SPRR2G: variants seen among roughly 807,000 people sequenced by gnomAD.
SPRR2G encodes the protein small proline-rich protein 2G.
A neutral mutation model predicts 0.7 loss-of-function variants in SPRR2G; 1 was observed. The observed-to-expected ratio is 1.49, with a 90% CI of 0.53 to 7.06. SPRR2G has a LOEUF of 7.06. SPRR2G is among the 30% of genes most tolerant of loss of function. The pLI, the probability that SPRR2G is intolerant of heterozygous loss-of-function variation, is 0.14. For missense variants in SPRR2G, 96 were observed against 88.5 expected (o/e 1.09, Z -0.34); for synonymous variants, 38 against 33.9 (o/e 1.12, Z -0.42).
chr1:153,180,943 A>G, the SPRR2G span, among the ~76,000 whole-genome samples: 1 of 152,168 alleles, frequency 6.6e-6, no homozygotes, highest in African/African-American at 2.4e-5. Flanking sequence ...CAGGTTGTTC[A>G]GATATTTTTC....
chr1:153,198,743 C>G, the SPRR2G span, among the ~76,000 whole-genome samples: 2 of 152,184 alleles, frequency 1.3e-5, no homozygotes, highest in Non-Finnish European at 2.9e-5. Context: ...GTAAAATCAG[C>G]TTGAGGTACC....
At chr1:153,169,560 A>G in the SPRR2G span, among the ~76,000 whole-genome samples, 6 of 93,522 alleles carry the variant, frequency 6.4e-5, no homozygotes, top group African/African-American at 1.8e-4. Flanking sequence ...CCCAGACTCC[A>G]TCTCAAAAAA....
chr1:153,162,376 T>C, the SPRR2G span, among the ~76,000 whole-genome samples: 11,593 of 152,282 alleles, frequency 0.076, 465 homozygotes, highest in Middle Eastern at 0.13. Context: ...CCATGGTGAA[T>C]ACCAATTGTT....
the SPRR2G span, among the ~76,000 whole-genome samples, chr1:153,196,221 A>T: frequency 5.3e-5 from 8 of 152,040 alleles, no homozygotes; most frequent in Non-Finnish European, 8.8e-5. Flanking sequence ...AACTCATTTC[A>T]TCCTCCCCCT....
chr1:153,154,476 T>A (rs1656541284), upstream of SPRR2G, among the ~76,000 whole-genome samples: 2 of 152,142 alleles, frequency 1.3e-5, no homozygotes, highest in South Asian at 4.1e-4. Context: ...TGTAGCCATG[T>A]GGTCCTGGAT....
At chr1:153,191,185 A>AG in the SPRR2G span, 1 of 152,310 alleles carries the variant, frequency 6.6e-6, no homozygotes, top group Non-Finnish European at 1.5e-5. Flanking sequence ...ATTTCTGATT[A>AG]GGGACTCGCC....
chr1:153,196,019 T>A, the SPRR2G span, among the ~76,000 whole-genome samples: 6 of 152,252 alleles, frequency 3.9e-5, no homozygotes, highest in Non-Finnish European at 8.8e-5. Context: ...TGTACCATCC[T>A]TCCCCTTCCT....
At chr1:153,167,728 A>C in the SPRR2G span, among the ~76,000 whole-genome samples, 1 of 152,182 alleles carries the variant, frequency 6.6e-6, no homozygotes, top group African/African-American at 2.4e-5. Context: ...ATAAGCCAAA[A>C]TATGTAAACT....
At chr1:153,176,048 C>T in the SPRR2G span, 10 of 151,378 alleles carry the variant, frequency 6.6e-5, no homozygotes, top group African/African-American at 2.4e-4. Flanking sequence ...CAGATCAAAA[C>T]TCCATCTCAA....
upstream of SPRR2G, among the ~76,000 whole-genome samples, chr1:153,151,723 C>T (rs1571026202): frequency 6.6e-6 from 1 of 152,218 alleles, no homozygotes; most frequent in Admixed American, 6.5e-5. Flanking sequence ...TACTCCTTCA[C>T]AATTTCTCTC....
chr1:153,167,201 G>A, the SPRR2G span, among the ~76,000 whole-genome samples: 908 of 152,276 alleles, frequency 6.0e-3, 11 homozygotes, highest in Middle Eastern at 0.027. Context: ...CTGGCCAGGC[G>A]TGGTGGCTCA....
chr1:153,182,799 T>G, the SPRR2G span, among the ~76,000 whole-genome samples: 1 of 152,212 alleles, frequency 6.6e-6, no homozygotes, highest in East Asian at 1.9e-4. Context: ...GATGGGCATT[T>G]GGGTTGGTTC....
At chr1:153,175,944 C>T in the SPRR2G span, among the ~76,000 whole-genome samples, 1 of 152,104 alleles carries the variant, frequency 6.6e-6, no homozygotes, top group Non-Finnish European at 1.5e-5. Context: ...ATAATCCCAG[C>T]TACCCAGGAG....
the SPRR2G span, among the ~76,000 whole-genome samples, chr1:153,198,361 T>C: frequency 6.6e-6 from 1 of 152,152 alleles, no homozygotes; most frequent in Admixed American, 6.5e-5. Flanking sequence ...TTTTGTTTTA[T>C]AAAATTCACT....
the SPRR2G span, among the ~76,000 whole-genome samples, chr1:153,156,378 C>A: frequency 0.031 from 4,708 of 152,250 alleles, 243 homozygotes; most frequent in African/African-American, 0.11. Context: ...TACTCCATGA[C>A]AATTTGTTCC....
chr1:153,170,424 A>G, the SPRR2G span, among the ~76,000 whole-genome samples: 1 of 152,208 alleles, frequency 6.6e-6, no homozygotes, highest in African/African-American at 2.4e-5. Context: ...TGTGCCTTAA[A>G]TCATCTTTGT....
chr1:153,199,028 T>TA, the SPRR2G span, among the ~76,000 whole-genome samples: 2 of 152,172 alleles, frequency 1.3e-5, no homozygotes, highest in Admixed American at 1.3e-4. Context: ...CTGTAACAAT[T>TA]ACTGCAGTAA....
At chr1:153,202,995 G>A in the SPRR2G span, among the ~76,000 whole-genome samples, 1 of 152,212 alleles carries the variant, frequency 6.6e-6, no homozygotes, top group Non-Finnish European at 1.5e-5. Context: ...GTGTGGGGTG[G>A]TAAGAAGAGG....
chr1:153,187,256 G>A, the SPRR2G span, among the ~76,000 whole-genome samples: 51 of 152,238 alleles, frequency 3.4e-4, no homozygotes, highest in South Asian at 2.1e-4. Context: ...GCCTTGCTAG[G>A]TTGGGAAAGT....
Sources: gnomAD v4.1 joint callset for allele counts (sites outside exome capture counted in the v4.1 genomes callset) on GRCh38, gnomAD v4.1.1 for gene constraint, MANE v1.5 for transcripts, NCBI Gene and HGNC (gene_info 2026-07-23, HGNC 2026-07-21) for gene names.